The following PBX3 variants were observed in gnomAD, a reference collection of about 807,000 sequenced individuals.
The protein encoded by PBX3 is pre-B-cell leukemia transcription factor 3.
In PBX3, 14 loss-of-function variants were observed where a neutral mutation model predicts 48.5. The observed-to-expected ratio is 0.29, with a 90% CI of 0.19 to 0.45. The LOEUF is 0.45. PBX3 is among the 20% of genes least tolerant of loss of function. The pLI, the probability that PBX3 is intolerant of heterozygous loss-of-function variation, is 1.00. For synonymous variants in PBX3, 210 were observed against 200.3 expected (o/e 1.05, Z -0.41); for missense variants, 386 against 546.7 (o/e 0.71, Z 2.93).
rs1444120518 is a variant in PBX3, at chr9:125,891,994, A to ACCT, written c.275-23691_275-23690insCTC. 4.6e-5 allele frequency among the ~76,000 whole-genome samples: 7 copies of ACCT among 152,274 alleles called. No homozygotes were observed. The East Asian group carries it at 1.3e-3, about 29-fold the overall frequency. On this transcript the variant is annotated intron_variant, in intron 2 of 8. Transcript: ENST00000373489. ...GGATGCATTGGCGTGATCTCGGCTC[A>ACCT]CTGCAACCTCTGTCTCCCAGATTCA...
intron 2 of PBX3, among the ~76,000 whole-genome samples, chr9:125,841,320 G>T (rs117420425): frequency 1.3e-3 from 203 of 152,222 alleles, no homozygotes; most frequent in Non-Finnish European, 2.2e-3. Context: ...ATAATTTGTG[G>T]CAGTGTTTTT....
At chr9:125,895,698 T>TA (rs1291286194) in intron 2 of PBX3, among the ~76,000 whole-genome samples, 1 of 152,054 alleles carries the variant, frequency 6.6e-6, no homozygotes, top group Non-Finnish European at 1.5e-5. Context: ...GAGCTGTACT[T>TA]ATTTGAAATT....
chr9:125,751,265 G>T (rs1278400668), intron 2 of PBX3, among the ~76,000 whole-genome samples: 1 of 152,050 alleles, frequency 6.6e-6, no homozygotes, highest in Non-Finnish European at 1.5e-5. Flanking sequence ...CATTTCAGTG[G>T]ATAATGTCAT....
chr9:125,949,231 T>G, intron 5 of PBX3: 1 of 1,035,170 alleles, frequency 9.7e-7, no homozygotes, highest in Non-Finnish European at 1.4e-6. Context: ...ATCTATAAAA[T>G]GAGAATAATG....
intron 2 of PBX3, among the ~76,000 whole-genome samples, chr9:125,784,248 C>T (rs558122531): frequency 1.3e-5 from 2 of 152,286 alleles, no homozygotes; most frequent in East Asian, 3.9e-4. Flanking sequence ...TGTGCTTCAG[C>T]CTCCCGAGTA....
chr9:125,782,719 C>T (rs1044020385), intron 2 of PBX3, among the ~76,000 whole-genome samples: 1 of 152,166 alleles, frequency 6.6e-6, no homozygotes, highest in African/African-American at 2.4e-5. Context: ...CCCTTTTTAG[C>T]ATTTCTTGTA....
intron 2 of PBX3, among the ~76,000 whole-genome samples, chr9:125,899,262 TATATAA>T (rs1840857665): frequency 8.0e-6 from 1 of 125,366 alleles, no homozygotes; most frequent in Non-Finnish European, 1.7e-5. Flanking sequence ...TATATATTTA[TATATAA>T]ATATACATAT....
intron 2 of PBX3, among the ~76,000 whole-genome samples, chr9:125,915,033 T>G (rs903695927): frequency 2.6e-5 from 4 of 152,210 alleles, no homozygotes; most frequent in African/African-American, 9.6e-5. Flanking sequence ...TTTTTAATAC[T>G]GTATTTAGTA....
At chr9:125,934,596 C>T (rs1340010876) in intron 4 of PBX3, among the ~76,000 whole-genome samples, 1 of 152,118 alleles carries the variant, frequency 6.6e-6, no homozygotes, top group Non-Finnish European at 1.5e-5. Context: ...CCAACAAAAA[C>T]AAAAGATAAC....
intron 2 of PBX3, among the ~76,000 whole-genome samples, chr9:125,908,992 G>A (rs1175931867): frequency 6.6e-6 from 1 of 152,052 alleles, no homozygotes; most frequent in Non-Finnish European, 1.5e-5. Flanking sequence ...TGCAAGCATA[G>A]CATACTTCAT....
chr9:125,913,986 T>C (rs564221846), intron 2 of PBX3, among the ~76,000 whole-genome samples: 1 of 152,260 alleles, frequency 6.6e-6, no homozygotes, highest in African/African-American at 2.4e-5. Flanking sequence ...ACTACAAGCA[T>C]GTACAGGTCG....
At chr9:125,891,042 A>G (rs1302962982) in intron 2 of PBX3, among the ~76,000 whole-genome samples, 1 of 152,234 alleles carries the variant, frequency 6.6e-6, no homozygotes, top group East Asian at 1.9e-4. Context: ...GTCCTAGCCA[A>G]AGTCATAATT....
intron 2 of PBX3, among the ~76,000 whole-genome samples, chr9:125,913,584 T>A (rs73667294): frequency 0.028 from 4,230 of 152,248 alleles, 233 homozygotes; most frequent in African/African-American, 0.096. Context: ...TGTACTTCCT[T>A]GTATGTTTGT....
At chr9:125,933,410 G>A (rs761394240) in intron 4 of PBX3, among the ~76,000 whole-genome samples, 76 of 152,156 alleles carry the variant, frequency 5.0e-4, no homozygotes, top group Non-Finnish European at 1.0e-3. Flanking sequence ...GTTCTCTGAG[G>A]TGTTTTGAAG....
chr9:125,807,649 C>T (rs1199127076), intron 2 of PBX3, among the ~76,000 whole-genome samples: 2 of 152,068 alleles, frequency 1.3e-5, no homozygotes, highest in Admixed American at 6.5e-5. Flanking sequence ...TGTATCAGTA[C>T]CTGGTTAGCC....
intron 2 of PBX3, among the ~76,000 whole-genome samples, chr9:125,912,659 ATGT>A (rs1210875882): frequency 2.0e-5 from 3 of 152,162 alleles, no homozygotes; most frequent in South Asian, 2.1e-4. Flanking sequence ...AAACTTTATA[ATGT>A]TGTGATGACC....
At chr9:125,772,732 A>G (rs1176163365) in intron 2 of PBX3, among the ~76,000 whole-genome samples, 1 of 152,150 alleles carries the variant, frequency 6.6e-6, no homozygotes, top group Non-Finnish European at 1.5e-5. Flanking sequence ...AATAAATTGC[A>G]GCTATTGCTG....
chr9:125,898,818 A>C (rs1840837344), intron 2 of PBX3, among the ~76,000 whole-genome samples: 1 of 151,854 alleles, frequency 6.6e-6, no homozygotes, highest in African/African-American at 2.4e-5. Flanking sequence ...TTGAATGTTA[A>C]AGTTGTTTAA....
At chr9:125,899,454 T>TATATATATATAG (rs1377456112) in intron 2 of PBX3, among the ~76,000 whole-genome samples, 1 of 103,768 alleles carries the variant, frequency 9.6e-6, no homozygotes, top group African/African-American at 3.8e-5. Context: ...TATATATATA[T>TATATATATATAG]AGAGAGAGAG....
Sources: gnomAD v4.1 joint callset for allele counts (sites outside exome capture counted in the v4.1 genomes callset) on GRCh38, gnomAD v4.1.1 for gene constraint, MANE v1.5 for transcripts, NCBI Gene and HGNC (gene_info 2026-07-23, HGNC 2026-07-21) for gene names.